The following NAV1 variants were observed in gnomAD, a reference collection of about 807,000 sequenced individuals.
NAV1 encodes the protein neuron navigator 1, also known as pore membrane and/or filament interacting like protein 3.
NAV1 carries 18 observed loss-of-function variants against 175.2 expected under a neutral mutation model. That is an observed-to-expected ratio of 0.10 (90% CI 0.07 to 0.15). The LOEUF (loss-of-function observed/expected upper bound fraction) is 0.15. Among genes scored for constraint, NAV1 ranks in the 10% least tolerant of loss-of-function variants. The probability of loss-of-function intolerance (pLI) is 1.00; values close to 1 mark genes in which losing one functional copy is unlikely to be tolerated. For missense variants in NAV1, 1,731 were observed against 2,436.6 expected (o/e 0.71, Z 6.10); for synonymous variants, 897 against 978.7 (o/e 0.92, Z 1.56).
chr1:201,813,397 TAGACTAAG>T lies in NAV1; in HGVS notation c.5340+140_5340+147del. The T allele has an allele frequency of 1.6e-6, 1 of 612,232 alleles. No individual in the cohort carries two copies. The highest frequency in any genetic ancestry group is 2.9e-6 in the Non-Finnish European group (1 of 350,616). 37.9% of individuals were successfully genotyped at this position (612,232 alleles called of 1,614,324 possible). ...CTAACAGGTGGAGCAAGGCACTGGG[TAGACTAAG>T]CTGCTTTCCTGCCTCCAGCTGCCAT... On this transcript the variant is annotated intron_variant, in intron 28 of 29. Coordinates refer to ENST00000367296, the Ensembl canonical transcript of NAV1. This position sits in a 1 kb window ranked among gnomAD's most constrained non-coding sequence, Gnocchi z 4.2.
intron 1 of NAV1, among the ~76,000 whole-genome samples, chr1:201,671,430 G>T (rs1222058157): frequency 6.6e-6 from 1 of 152,080 alleles, no homozygotes; most frequent in Non-Finnish European, 1.5e-5. Flanking sequence ...TATGAGACAG[G>T]TTAGAGTGGG....
intron 3 of NAV1, among the ~76,000 whole-genome samples, chr1:201,734,182 C>A (rs1045809624): frequency 1.3e-5 from 2 of 151,908 alleles, no homozygotes; most frequent in Admixed American, 6.6e-5. Context: ...CTTAGGCGGG[C>A]GGATTGCTTG....
intron 2 of NAV1, among the ~76,000 whole-genome samples, chr1:201,606,474 T>A (rs1667680635): frequency 6.6e-6 from 1 of 152,188 alleles, no homozygotes; most frequent in Non-Finnish European, 1.5e-5. Context: ...CCACGGGTCA[T>A]CTTGTCATCC....
chr1:201,779,526 A>G (rs1469415183), intron 3 of NAV1, among the ~76,000 whole-genome samples: 1 of 133,414 alleles, frequency 7.5e-6, no homozygotes, highest in Non-Finnish European at 1.5e-5. Flanking sequence ...TGAACCTGGG[A>G]GGCGGAGGTT....
intron 3 of NAV1, chr1:201,724,135 A>G (rs1392523717): frequency 2.0e-5 from 3 of 152,236 alleles, no homozygotes; most frequent in African/African-American, 7.2e-5. Flanking sequence ...GGTAATATCC[A>G]AATCATGACA....
At chr1:201,574,672 C>T (rs964866128) in intron 1 of NAV1, among the ~76,000 whole-genome samples, 3 of 152,242 alleles carry the variant, frequency 2.0e-5, no homozygotes, top group Admixed American at 6.5e-5. Flanking sequence ...CAGCCCAATT[C>T]GTGGCACAAG....
intron 1 of NAV1, among the ~76,000 whole-genome samples, chr1:201,560,522 A>G (rs550075277): frequency 6.6e-6 from 1 of 152,182 alleles, no homozygotes; most frequent in Non-Finnish European, 1.5e-5. Flanking sequence ...GTGACCCTGC[A>G]TCCGGGGTGT....
chr1:201,544,053 C>CG (rs1261798799), intron 1 of NAV1, among the ~76,000 whole-genome samples: 1 of 152,244 alleles, frequency 6.6e-6, no homozygotes, highest in East Asian at 1.9e-4. Context: ...GAGGGCACCA[C>CG]GCCCAGCCTC....
chr1:201,777,289 A>G (rs1055075322), intron 3 of NAV1, among the ~76,000 whole-genome samples: 1 of 152,242 alleles, frequency 6.6e-6, no homozygotes, highest in African/African-American at 2.4e-5. Context: ...TATTCAGCAG[A>G]TCCAGAGAGC....
chr1:201,698,355 C>A (rs117267765), intron 1 of NAV1, among the ~76,000 whole-genome samples: 1 of 152,248 alleles, frequency 6.6e-6, no homozygotes, highest in Non-Finnish European at 1.5e-5. Context: ...CTCTTGGCTG[C>A]AAGCTCCCTG....
At chr1:201,546,518 G>A (rs543355216) in intron 1 of NAV1, among the ~76,000 whole-genome samples, 1 of 152,314 alleles carries the variant, frequency 6.6e-6, no homozygotes, top group East Asian at 1.9e-4. Context: ...AGACTGACTA[G>A]TACGATGAAT....
At chr1:201,784,138 G>T (rs1034776203) in intron 7 of NAV1, among the ~76,000 whole-genome samples, 1 of 152,090 alleles carries the variant, frequency 6.6e-6, no homozygotes, top group African/African-American at 2.4e-5. Context: ...CAGAGCTTTT[G>T]CTTCCTAGTC....
chr1:201,603,928 T>C (rs532162490), intron 2 of NAV1, among the ~76,000 whole-genome samples: 2 of 152,176 alleles, frequency 1.3e-5, no homozygotes, highest in Non-Finnish European at 2.9e-5. Flanking sequence ...AACAAATGGT[T>C]GGTCACAGAA....
intron 1 of NAV1, among the ~76,000 whole-genome samples, chr1:201,659,637 T>C (rs978455135): frequency 3.3e-5 from 5 of 151,976 alleles, no homozygotes; most frequent in East Asian, 1.9e-4. Context: ...AAATGAATAA[T>C]AAATAAAATA....
intron 2 of NAV1, among the ~76,000 whole-genome samples, chr1:201,635,038 T>C (rs1041583524): frequency 6.6e-6 from 1 of 151,988 alleles, no homozygotes; most frequent in Non-Finnish European, 1.5e-5. Flanking sequence ...TTTTGTTTTG[T>C]TTTGTTTTTT....
intron 2 of NAV1, among the ~76,000 whole-genome samples, chr1:201,634,041 T>G: frequency 6.6e-6 from 1 of 152,188 alleles, no homozygotes; most frequent in Non-Finnish European, 1.5e-5. Flanking sequence ...TTAATCCTTC[T>G]AACAACTGCA....
upstream of NAV1, among the ~76,000 whole-genome samples, chr1:201,647,540 G>A (rs1669014330): frequency 1.3e-5 from 2 of 152,130 alleles, no homozygotes; most frequent in South Asian, 2.1e-4. Context: ...AATTGGAATA[G>A]AAACCCAGTT....
intron 1 of NAV1, among the ~76,000 whole-genome samples, chr1:201,548,185 A>G (rs1571814347): frequency 6.6e-6 from 1 of 152,352 alleles, no homozygotes; most frequent in East Asian, 1.9e-4. Context: ...AATAATATTT[A>G]TGTAGTCATG....
chr1:201,784,960 A>G (rs541031983), intron 7 of NAV1, among the ~76,000 whole-genome samples: 19 of 152,060 alleles, frequency 1.2e-4, no homozygotes, highest in East Asian at 1.9e-4. Flanking sequence ...AGTAGAGACG[A>G]GGTTTCACCG....
Sources: allele counts gnomAD v4.1 joint callset (sites outside exome capture counted in the v4.1 genomes callset), GRCh38; gene constraint gnomAD v4.1.1; non-coding constraint Gnocchi (gnomAD v3.1); transcripts MANE v1.5; gene names NCBI Gene and HGNC (gene_info 2026-07-23, HGNC 2026-07-21).